The following RAPGEF3 variants were observed in gnomAD, a reference collection of about 807,000 sequenced individuals.
The protein encoded by RAPGEF3 is Rap guanine nucleotide exchange factor 3.
A neutral mutation model predicts 129.8 loss-of-function variants in RAPGEF3; 103 were observed. That is an observed-to-expected ratio of 0.79 (90% CI 0.68 to 0.93). RAPGEF3 has a LOEUF of 0.93. Ranked by LOEUF, RAPGEF3 falls within the 40% of genes least tolerant of loss-of-function variation. The pLI, the probability that RAPGEF3 is intolerant of heterozygous loss-of-function variation, is 0.00. For synonymous variants in RAPGEF3, 436 were observed against 482.6 expected, an observed-to-expected ratio of 0.90 and a Z score of 1.26; for missense variants, 1,117 against 1,207.4, an observed-to-expected ratio of 0.93 and a Z score of 1.11.
intron 2 of RAPGEF3, among the ~76,000 whole-genome samples, chr12:47,757,230 T>C (rs994628656): frequency 6.6e-6 from 1 of 152,182 alleles, no homozygotes; most frequent in African/African-American, 2.4e-5. Flanking sequence ...ACAGCCATTA[T>C]CTTGCCTCCC....
Position 47,737,689 on chromosome 12 carries a change from G to A in RAPGEF3, c.2654-4C>T. ...GTGCTCAGGGACTGCTCCGAGCCTGGTGGAGGAGAGTAGTCAGGGAGGCAC... is the reference window on the plus strand; with the variant it reads ...GTGCTCAGGGACTGCTCCGAGCCTGATGGAGGAGAGTAGTCAGGGAGGCAC... On this transcript the variant is annotated splice_polypyrimidine_tract_variant and splice_region_variant and intron_variant, in intron 27 of 27. Coordinates refer to ENST00000449771, the MANE Select transcript of RAPGEF3 (RefSeq NM_001098531.4). The A allele has an allele frequency of 6.2e-7, 1 of 1,612,010 alleles. No individual in the cohort carries two copies. Among genetic ancestry groups the A allele is most frequent in the Non-Finnish European group, 8.5e-7 (1 of 1,178,836 alleles).
chr12:47,740,294 AC>A lies in RAPGEF3; in HGVS notation c.2322+10del. 6.2e-7 allele frequency: 1 copy of A among 1,613,794 alleles called. No individual in the cohort carries two copies. Among genetic ancestry groups the A allele is most frequent in the Non-Finnish European group, 8.5e-7 (1 of 1,179,754 alleles). On this transcript the variant is annotated intron_variant, in intron 22 of 27. Coordinates refer to ENST00000449771, the MANE Select transcript of RAPGEF3 (RefSeq NM_001098531.4). ...CTGACCTCAGGAGGGGGCCCTCCAG[AC>A]CACACTTACCTCCCAGGTGTGGGCT...
chr12:47,746,771 C>T (rs766084244), intron 16 of RAPGEF3, 89 bp downstream of exon 16: 27 of 1,390,408 alleles, frequency 1.9e-5, no homozygotes, highest in African/African-American at 4.3e-5. Flanking sequence ...GAGCTTCCCA[C>T]GCCCACAGAG....
rs140023214 is a variant in RAPGEF3, at chr12:47,747,835, G to T, written c.1350C>A (p.Ser450Arg). The change falls in exon 14 of 28, where the codon AGC (serine) becomes AGA (arginine). Residue 450 changes from serine to arginine, a missense_variant. Ser to Arg is a moderately radical substitution (Grantham distance 110). This residue lies in a region of RAPGEF3 where 643 missense variants were observed against 673.4 expected (regional missense o/e 0.95). Transcript: ENST00000449771. ...AGACGTAGGTGCTGCGCTCCTGCTCGCTGCCACCCGCAGGCTCCACATGGA... is the reference window on the plus strand; with the variant it reads ...AGACGTAGGTGCTGCGCTCCTGCTCTCTGCCACCCGCAGGCTCCACATGGA... ...HHFHVEPAGGSEQERSTYVCN... is the reference protein window; with the variant it reads ...HHFHVEPAGGREQERSTYVCN... 5.6e-6 allele frequency: 9 copies of T among 1,604,266 alleles called. No individual in the cohort carries two copies. In the African/African-American group the frequency reaches 6.7e-5, roughly 12 times the overall value.
At chr12:47,757,360 C>T (rs1942134872) in intron 2 of RAPGEF3, among the ~76,000 whole-genome samples, 1 of 152,188 alleles carries the variant, frequency 6.6e-6, no homozygotes. Flanking sequence ...CAGAATCCTT[C>T]CCTGAGCCCC....
At position 47,736,216 on chromosome 12, in the gene RAPGEF3, G is replaced by A. The variant is rs1032914130; in HGVS notation, c.*1351C>T. Reference sequence around the variant, plus strand: ...CCTGAGGTCTAAGCCCAGCTGTGCTGCCTCCCTGCTAAAGGCTCTGACCCT... The same window carrying A: ...CCTGAGGTCTAAGCCCAGCTGTGCTACCTCCCTGCTAAAGGCTCTGACCCT... On this transcript the variant is annotated 3_prime_UTR_variant, in exon 28 of 28. Transcript: ENST00000449771. 6.6e-6 allele frequency: 1 copy of A among 152,256 alleles called. No individual in the cohort carries two copies. The highest frequency in any genetic ancestry group is 1.5e-5 in the Non-Finnish European group (1 of 68,054). 9.4% of individuals were successfully genotyped at this position (152,256 alleles called of 1,614,324 possible).
Position 47,751,538 on chromosome 12 carries a change from G to A in RAPGEF3, c.381-18C>T, listed in dbSNP as rs1308983468. 3.7e-6 allele frequency: 6 copies of A among 1,613,978 alleles called. No homozygotes were observed. Among genetic ancestry groups the A allele is most frequent in the Middle Eastern group, 3.3e-4 (2 of 6,084 alleles). ...AGCACTGCCTATGGAAGGTAGAAGG[G>A]GACAGGCCAGTGGAAGGAGGGTGGC... On this transcript the variant is annotated intron_variant, in intron 4 of 27. Transcript: ENST00000449771.
At chr12:47,751,609 C>T (rs1941754682) in intron 4 of RAPGEF3, 89 bp from the exon 5 acceptor site, 2 of 1,601,046 alleles carry the variant, frequency 1.2e-6, no homozygotes, top group Admixed American at 1.7e-5. Context: ...CTCTGAGGCC[C>T]AAGCCTGGTT....
Position 47,751,054 on chromosome 12 carries a change from C to T in RAPGEF3, c.665G>A (p.Arg222Gln), listed in dbSNP as rs766130559. 140 of 1,597,420 alleles carry T rather than the reference C, an allele frequency of 8.8e-5. No homozygotes were observed. Among genetic ancestry groups the T allele is most frequent in the Non-Finnish European group, 1.2e-4 (136 of 1,173,044 alleles). The change falls in exon 6 of 28, where the codon CGA becomes CAA. Residue 222 changes from arginine to glutamine, a missense_variant. Around this residue, in one of 3 missense-constraint regions of RAPGEF3, gnomAD observed 367 missense variants for 373.4 expected, o/e 0.98. Coordinates refer to ENST00000449771, the MANE Select transcript of RAPGEF3 (RefSeq NM_001098531.4). Reference sequence around the variant, plus strand: ...TGCAGGGATTCTGACTCACGGCTTTCGAAGTGCCACAGTGAGCAGGGCGTC... The same window carrying T: ...TGCAGGGATTCTGACTCACGGCTTTTGAAGTGCCACAGTGAGCAGGGCGTC... ...GPDALLTVAL[R>Q]KPPGQRTDEE...
intron 23 of RAPGEF3, 176 bp from the exon 24 acceptor site, chr12:47,739,406 C>G (rs1281579807): frequency 1.4e-6 from 1 of 709,202 alleles, no homozygotes; most frequent in Non-Finnish European, 2.6e-6. Context: ...GGGCTTCCAA[C>G]CTCCCATTAG....
rs1940847075 is a variant in RAPGEF3 at position 47,737,485 on chromosome 12, C to G, written c.*82G>C. ...CACGGAGAGCCTTGCCCAGCTGTGG[C>G]CAGCCTGTGAGTATCTTGGCCCGGC... On this transcript the variant is annotated 3_prime_UTR_variant, in exon 28 of 28. Coordinates refer to ENST00000449771, the MANE Select transcript of RAPGEF3 (RefSeq NM_001098531.4). 1 of 1,296,708 alleles carries G rather than the reference C, an allele frequency of 7.7e-7. No individual in the cohort carries two copies. Among genetic ancestry groups the G allele is most frequent in the African/African-American group, 1.5e-5 (1 of 68,324 alleles). The allele number at this position is 1,296,708 out of a possible 1,614,324, so 80.3% of individuals were successfully genotyped here.
intron 25 of RAPGEF3, 35 bp downstream of exon 25, chr12:47,738,655 T>G: frequency 1.3e-6 from 2 of 1,533,708 alleles, no homozygotes; most frequent in Non-Finnish European, 1.8e-6. Flanking sequence ...CTCCAACCTA[T>G]GTTAGTAGTG....
intron 3 of RAPGEF3, 28 bp downstream of exon 3, chr12:47,751,888 C>G: frequency 6.2e-7 from 1 of 1,614,058 alleles, no homozygotes; most frequent in South Asian, 1.1e-5. Flanking sequence ...TGCTGCCTGT[C>G]CCAGCTCCAC....
At chr12:47,746,834 G>A (rs754766523) in intron 16 of RAPGEF3, 26 bp downstream of exon 16, 12 of 1,579,852 alleles carry the variant, frequency 7.6e-6, no homozygotes, top group African/African-American at 1.4e-5. Context: ...AGGAGCAGAG[G>A]AAAGAAACTG....
At position 47,737,154 on chromosome 12, in the gene RAPGEF3, G is replaced by A. The variant is rs777282935; in HGVS notation, c.*413C>T. On this transcript the variant is annotated 3_prime_UTR_variant, in exon 28 of 28. Coordinates refer to ENST00000449771, the MANE Select transcript of RAPGEF3 (RefSeq NM_001098531.4). ...CCAAGGCCCTGCCCTTGCCACACAC[G>A]GTACACACATGCAGCCTCTCTCTCT... is the stretch of plus-strand genomic sequence containing the variant. 3.8e-5 allele frequency: 8 copies of A among 209,256 alleles called. No individual in the cohort carries two copies. In the East Asian group the frequency reaches 4.6e-4, roughly 12 times the overall value. 13.0% of individuals were successfully genotyped at this position (209,256 alleles called of 1,614,324 possible). A position where few individuals can be genotyped will look rare whatever the true frequency, so the allele number is the denominator to read the frequency against.
chr12:47,751,221 G>T lies in RAPGEF3; in HGVS notation c.503-5C>A. ...GGAAGGCCCAGTCGTGTTTCACTGG[G>T]GGGCAGAGGCCCAGGCGTGGGGGAG... On this transcript the variant is annotated splice_polypyrimidine_tract_variant and splice_region_variant and intron_variant, in intron 5 of 27. Coordinates refer to ENST00000449771, the MANE Select transcript of RAPGEF3 (RefSeq NM_001098531.4). 6.5e-7 allele frequency: 1 copy of T among 1,549,146 alleles called. No individual in the cohort carries two copies. The highest frequency in any genetic ancestry group is 8.7e-7 in the Non-Finnish European group (1 of 1,145,768).
Position 47,758,681 on chromosome 12 carries a change from C to G in RAPGEF3, c.-125G>C, listed in dbSNP as rs1280009252. ...AGTGGGTAAGTCCAGGTACAGTGAA[C>G]TGGGCCAGTGCCTAGCTGGACTGGC... On this transcript the variant is annotated 5_prime_UTR_variant, in exon 1 of 28. Transcript: ENST00000449771. 3.8e-5 allele frequency: 57 copies of G among 1,515,106 alleles called. No homozygotes were observed. The highest frequency in any genetic ancestry group is 4.9e-5 in the Non-Finnish European group (55 of 1,128,524). The allele number at this position is 1,515,106 out of a possible 1,614,324, so 93.9% of individuals were successfully genotyped here.
In RAPGEF3 at chr12:47,735,331, C is replaced by T. The variant is rs1940765161; in HGVS notation, c.*2236G>A. On this transcript the variant is annotated 3_prime_UTR_variant, in exon 28 of 28. Coordinates refer to ENST00000449771, the MANE Select transcript of RAPGEF3 (RefSeq NM_001098531.4). Reference sequence around the variant, plus strand: ...TGCTAGGGAACACCAGAGGATGCCTCCTGCCCCACACCACCCCACGCTTGG... The same window carrying T: ...TGCTAGGGAACACCAGAGGATGCCTTCTGCCCCACACCACCCCACGCTTGG... 1 of 152,396 alleles carries T rather than the reference C, an allele frequency of 6.6e-6. No individual in the cohort carries two copies. Among genetic ancestry groups the T allele is most frequent in the Middle Eastern group, 3.4e-3 (1 of 294 alleles). 9.4% of individuals were successfully genotyped at this position (152,396 alleles called of 1,614,324 possible).
In RAPGEF3 at chr12:47,750,854, G is replaced by C. The variant is rs1052138613; in HGVS notation, c.671+194C>G. On this transcript the variant is annotated intron_variant, in intron 6 of 27. Coordinates refer to ENST00000449771, the MANE Select transcript of RAPGEF3 (RefSeq NM_001098531.4). The stretch of plus-strand genomic sequence containing the variant: ...TCTACAGAGGAAGAAACTGACTTGG[G>C]GGGGTTTGGGAGTGTGGAGGGATCC... Among the ~76,000 whole-genome samples the C allele has an allele frequency of 2.9e-4, 44 of 152,202 alleles. 1 individual carries two copies. Among genetic ancestry groups the C allele is most frequent in the African/African-American group, 9.4e-4 (39 of 41,448 alleles).
Sources: allele counts gnomAD v4.1 joint callset (sites outside exome capture counted in the v4.1 genomes callset), GRCh38; gene constraint gnomAD v4.1.1; regional missense constraint gnomAD v4.1.1; transcripts MANE v1.5; gene names NCBI Gene and HGNC (gene_info 2026-07-23, HGNC 2026-07-21).